The following FSHR variants were observed in gnomAD, a reference collection of about 807,000 sequenced individuals.
FSHR encodes follicle-stimulating hormone receptor.
A neutral mutation model predicts 52.1 loss-of-function variants in FSHR; 46 were observed. The observed-to-expected ratio is 0.88, with a 90% CI of 0.70 to 1.13. The LOEUF is 1.13. Ranked by LOEUF, FSHR falls within the 50% of genes most tolerant of loss-of-function variation. FSHR has a pLI of 0.00. For synonymous variants in FSHR, 399 were observed against 309.6 expected, an observed-to-expected ratio of 1.29 and a Z score of -3.03; for missense variants, 964 against 834.6, an observed-to-expected ratio of 1.16 and a Z score of -1.91.
chr2:49,141,591 G>T (rs1672689111), intron 1 of FSHR, among the ~76,000 whole-genome samples: 1 of 152,032 alleles, frequency 6.6e-6, no homozygotes, highest in Admixed American at 6.6e-5. Context: ...CCAACAATGG[G>T]GATTATGTTT....
At chr2:49,034,493 G>C (rs1341643742) in intron 2 of FSHR, among the ~76,000 whole-genome samples, 1 of 152,094 alleles carries the variant, frequency 6.6e-6, no homozygotes, top group Non-Finnish European at 1.5e-5. Flanking sequence ...TTGCTTATTA[G>C]TAGTGTGGTC....
chr2:49,139,441 G>C (rs968157193), intron 1 of FSHR, among the ~76,000 whole-genome samples: 1 of 152,076 alleles, frequency 6.6e-6, no homozygotes, highest in Non-Finnish European at 1.5e-5. Flanking sequence ...CTAGAATGAG[G>C]GTATAGCACG....
intron 1 of FSHR, among the ~76,000 whole-genome samples, chr2:49,132,099 C>T (rs910328454): frequency 1.3e-5 from 2 of 152,080 alleles, no homozygotes; most frequent in African/African-American, 4.8e-5. Flanking sequence ...CTCTTAAATC[C>T]CAGCAAGTGG....
chr2:49,078,273 C>G (rs1053286263), intron 1 of FSHR, among the ~76,000 whole-genome samples: 2 of 152,120 alleles, frequency 1.3e-5, no homozygotes, highest in African/African-American at 4.8e-5. Flanking sequence ...TGCAGGGGAA[C>G]TCCTCTTTTT....
intron 6 of FSHR, 72 bp from the exon 7 acceptor site, chr2:48,983,238 C>G (rs1247725000): frequency 7.0e-7 from 1 of 1,436,478 alleles, no homozygotes; most frequent in African/African-American, 1.4e-5. Context: ...TAATTGGAAG[C>G]ACTGAGCAAG....
intron 2 of FSHR, among the ~76,000 whole-genome samples, chr2:49,060,819 C>A (rs143745944): frequency 8.5e-5 from 13 of 152,086 alleles, no homozygotes; most frequent in African/African-American, 2.4e-4. Flanking sequence ...CCCACTCCCC[C>A]CCGGCCCAAA....
chr2:49,065,038 T>C (rs959955803), intron 2 of FSHR, among the ~76,000 whole-genome samples: 8 of 152,178 alleles, frequency 5.3e-5, no homozygotes, highest in African/African-American at 1.7e-4. Flanking sequence ...GATCCCTTTA[T>C]GTGCCAGACA....
intron 1 of FSHR, among the ~76,000 whole-genome samples, chr2:49,070,851 AC>A (rs1669703869): frequency 6.6e-6 from 1 of 152,216 alleles, no homozygotes; most frequent in Non-Finnish European, 1.5e-5. Context: ...ATAAAACATT[AC>A]AAATATTATT....
chr2:49,068,324 T>A, intron 1 of FSHR, 34 bp from the exon 2 acceptor site: 1 of 1,536,540 alleles, frequency 6.5e-7, no homozygotes, highest in Non-Finnish European at 9.0e-7. Context: ...TATCACAACC[T>A]ATCCATTAAT....
chr2:49,134,310 A>C (rs191656954), intron 1 of FSHR, among the ~76,000 whole-genome samples: 1 of 152,376 alleles, frequency 6.6e-6, no homozygotes, highest in East Asian at 1.9e-4. Context: ...AGACACAAGA[A>C]GAAATGCTCA....
At chr2:49,086,566 T>A (rs1670400273) in intron 1 of FSHR, among the ~76,000 whole-genome samples, 1 of 152,188 alleles carries the variant, frequency 6.6e-6, no homozygotes, top group African/African-American at 2.4e-5. Flanking sequence ...TGCGGAAGAT[T>A]TTTCATACTA....
chr2:49,145,744 T>C (rs1311560994), intron 1 of FSHR, among the ~76,000 whole-genome samples: 1 of 152,080 alleles, frequency 6.6e-6, no homozygotes, highest in Non-Finnish European at 1.5e-5. Context: ...ATCTTGCCTT[T>C]CCTATTGATT....
intron 1 of FSHR, among the ~76,000 whole-genome samples, chr2:49,114,197 G>T (rs4971637): frequency 0.17 from 25,598 of 151,980 alleles, 2,531 homozygotes; most frequent in South Asian, 0.27. Context: ...TCACCACATC[G>T]CCAGTACAAT....
chr2:49,128,525 C>A (rs532681979), intron 1 of FSHR, among the ~76,000 whole-genome samples: 19 of 152,108 alleles, frequency 1.2e-4, no homozygotes, highest in African/African-American at 4.3e-4. Flanking sequence ...ACAAAGCTGA[C>A]TTTTCATCTT....
At chr2:49,038,538 T>C (rs191851080) in intron 2 of FSHR, among the ~76,000 whole-genome samples, 1,756 of 150,726 alleles carry the variant, frequency 0.012, 17 homozygotes, top group Non-Finnish European at 0.017. Flanking sequence ...GGCAGGAGAA[T>C]GGCGTGAACC....
At chr2:48,978,766 T>A (rs962353540) in intron 8 of FSHR, among the ~76,000 whole-genome samples, 1 of 152,192 alleles carries the variant, frequency 6.6e-6, no homozygotes, top group Admixed American at 6.5e-5. Context: ...GCCCCTGGCT[T>A]TCTCTGCATC....
intron 1 of FSHR, among the ~76,000 whole-genome samples, chr2:49,107,318 TCTC>T (rs1671261865): frequency 6.6e-6 from 1 of 152,062 alleles, no homozygotes; most frequent in Non-Finnish European, 1.5e-5. Context: ...TTCCATATGA[TCTC>T]CTCTGGGCAA....
At chr2:48,997,118 TA>T in intron 4 of FSHR, 1 of 585,198 alleles carries the variant, frequency 1.7e-6, no homozygotes, top group Non-Finnish European at 2.2e-6. Flanking sequence ...ACTTAAGGTT[TA>T]GAGACCCTGG....
chr2:49,152,062 G>C (rs1381733281), intron 1 of FSHR, among the ~76,000 whole-genome samples: 1 of 152,146 alleles, frequency 6.6e-6, no homozygotes. Context: ...TGAGTGTGCA[G>C]AAGACAGAAT....
Sources: allele counts gnomAD v4.1 joint callset (sites outside exome capture counted in the v4.1 genomes callset), GRCh38; gene constraint gnomAD v4.1.1; transcripts MANE v1.5; gene names NCBI Gene and HGNC (gene_info 2026-07-23, HGNC 2026-07-21).